Variants in NCAM2 observed in about 807,000 individuals in gnomAD.
NCAM2 encodes the protein neural cell adhesion molecule 2, also known as N-CAM-2.
NCAM2 carries 30 observed loss-of-function variants against 98.1 expected under a neutral mutation model. The observed-to-expected ratio is 0.31, with a 90% CI of 0.23 to 0.41. The LOEUF is 0.41. Ranked by LOEUF, NCAM2 falls within the 10% of genes least tolerant of loss-of-function variation. The pLI, the probability that NCAM2 is intolerant of heterozygous loss-of-function variation, is 1.00. For missense variants in NCAM2, 867 were observed against 1,005.8 expected, an observed-to-expected ratio of 0.86 and a Z score of 1.87; for synonymous variants, 368 against 342.4, an observed-to-expected ratio of 1.07 and a Z score of -0.83.
intron 8 of NCAM2, among the ~76,000 whole-genome samples, chr21:21,345,591 A>T (rs1159532944): frequency 5.3e-5 from 8 of 151,732 alleles, no homozygotes; most frequent in Non-Finnish European, 1.5e-5. Context: ...AAAAAAGAAT[A>T]AAAAAAATGA....
At position 21,538,610 on chromosome 21, in the gene NCAM2, T is replaced by C. The variant is rs1990107493; in HGVS notation, c.*653T>C. The C allele has an allele frequency of 6.6e-6, 1 of 152,364 alleles. No homozygotes were observed. The highest frequency in any genetic ancestry group is 2.4e-5 in the African/African-American group (1 of 41,448). The allele number at this position is 152,364 out of a possible 1,614,324, so 9.4% of individuals were successfully genotyped here. ...AAATTGTTACCCATTTGAAAGAATATTAGTTGTATATAAAATTAGATTAGA... is the reference window on the plus strand; with the variant it reads ...AAATTGTTACCCATTTGAAAGAATACTAGTTGTATATAAAATTAGATTAGA... On this transcript the variant is annotated 3_prime_UTR_variant, in exon 18 of 18. Coordinates refer to ENST00000400546, the MANE Select transcript of NCAM2 (RefSeq NM_004540.5).
chr21:21,046,337 A>G (rs6417719), intron 1 of NCAM2, among the ~76,000 whole-genome samples: 1 of 152,072 alleles, frequency 6.6e-6, no homozygotes, highest in Non-Finnish European at 1.5e-5. Flanking sequence ...TTAATTTTAA[A>G]AGTGGTTCCT....
chr21:21,067,342 A>G (rs1433174114), intron 1 of NCAM2, among the ~76,000 whole-genome samples: 1 of 152,116 alleles, frequency 6.6e-6, no homozygotes, highest in East Asian at 1.9e-4. Flanking sequence ...CACGTTTGTA[A>G]TAAAACATGA....
intron 12 of NCAM2, among the ~76,000 whole-genome samples, chr21:21,452,971 TTATTATA>T (rs1257199258): frequency 1.6e-4 from 5 of 32,106 alleles, no homozygotes; most frequent in Admixed American, 4.7e-4. Context: ...ATATTATATA[TTATTATA>T]TATTATATAT....
intron 9 of NCAM2, among the ~76,000 whole-genome samples, chr21:21,377,536 A>T (rs1272993787): frequency 6.6e-6 from 1 of 151,910 alleles, no homozygotes; most frequent in Non-Finnish European, 1.5e-5. Context: ...TACAAATGTG[A>T]TGCTTTTAAA....
At chr21:21,523,670 A>T (rs966821757) in intron 16 of NCAM2, among the ~76,000 whole-genome samples, 1 of 152,114 alleles carries the variant, frequency 6.6e-6, no homozygotes, top group Non-Finnish European at 1.5e-5. Context: ...CTTATCATAA[A>T]GAACTCTTGC....
rs531731101 is a variant in NCAM2 at position 21,128,737 on chromosome 21, A to G, written c.55+130119A>G. 1.5e-4 allele frequency among the ~76,000 whole-genome samples: 23 copies of G among 152,306 alleles called. No individual in the cohort carries two copies. In the South Asian group the frequency reaches 2.9e-3, roughly 19 times the overall value. On this transcript the variant is annotated intron_variant, in intron 1 of 17. Transcript: ENST00000400546. ...AGAAAAGAAAAATGAGTTGAAAAGC[A>G]TATGTGAAGAGTTAAGAAATTATTT...
intron 1 of NCAM2, among the ~76,000 whole-genome samples, chr21:21,271,023 T>A (rs1177525991): frequency 2.6e-5 from 4 of 152,176 alleles, no homozygotes; most frequent in Admixed American, 1.3e-4. Flanking sequence ...TTTTCAGTAC[T>A]GATTATTTAG....
intron 15 of NCAM2, among the ~76,000 whole-genome samples, chr21:21,508,590 T>TTAA (rs1555909804): frequency 1.4e-5 from 2 of 146,044 alleles, no homozygotes; most frequent in African/African-American, 2.5e-5. Flanking sequence ...TCTTTGTTAA[T>TTAA]AAAAAAAAAA....
At chr21:21,101,984 A>G (rs1056983066) in intron 1 of NCAM2, among the ~76,000 whole-genome samples, 7 of 152,018 alleles carry the variant, frequency 4.6e-5, no homozygotes, top group African/African-American at 1.7e-4. Flanking sequence ...GCTTTGGCCA[A>G]TGAAGTGTAG....
chr21:21,255,057 G>C (rs898344165), intron 1 of NCAM2, among the ~76,000 whole-genome samples: 2 of 151,862 alleles, frequency 1.3e-5, no homozygotes, highest in African/African-American at 4.8e-5. Context: ...TGATATCTTG[G>C]ATAGAATACA....
intron 9 of NCAM2, among the ~76,000 whole-genome samples, chr21:21,401,648 A>G (rs554501170): frequency 6.6e-6 from 1 of 152,154 alleles, no homozygotes; most frequent in African/African-American, 2.4e-5. Context: ...ATTTCCTTCT[A>G]TTTTCATTTT....
intron 1 of NCAM2, among the ~76,000 whole-genome samples, chr21:21,052,685 C>A (rs866065110): frequency 1.3e-5 from 2 of 152,222 alleles, no homozygotes; most frequent in African/African-American, 4.8e-5. Context: ...CTCTGGTGGC[C>A]TGTAATCCTA....
At chr21:21,008,491 G>A (rs1398375080) in intron 1 of NCAM2, among the ~76,000 whole-genome samples, 1 of 152,082 alleles carries the variant, frequency 6.6e-6, no homozygotes, top group Non-Finnish European at 1.5e-5. Flanking sequence ...TAGTATTTCT[G>A]ATTTAGAATA....
intron 10 of NCAM2, among the ~76,000 whole-genome samples, chr21:21,413,474 A>G (rs1306643391): frequency 1.3e-5 from 2 of 152,212 alleles, no homozygotes; most frequent in Non-Finnish European, 2.9e-5. Flanking sequence ...ATCATTAATT[A>G]ATATCAGCAT....
chr21:21,040,244 A>C (rs2064877176), intron 1 of NCAM2, among the ~76,000 whole-genome samples: 1 of 152,162 alleles, frequency 6.6e-6, no homozygotes, highest in African/African-American at 2.4e-5. Context: ...TTATTATTAA[A>C]GACTCATGAA....
chr21:21,441,067 G>A (rs1489549440), intron 12 of NCAM2, among the ~76,000 whole-genome samples: 1 of 152,044 alleles, frequency 6.6e-6, no homozygotes, highest in Non-Finnish European at 1.5e-5. Flanking sequence ...TTTCTCTCTT[G>A]CTCATCATAC....
intron 5 of NCAM2, among the ~76,000 whole-genome samples, chr21:21,322,076 A>C (rs1485864538): frequency 6.6e-6 from 1 of 152,170 alleles, no homozygotes; most frequent in Non-Finnish European, 1.5e-5. Flanking sequence ...TCAACGGTGG[A>C]CTGGATAAAT....
At chr21:21,236,632 A>C (rs2070837375) in intron 1 of NCAM2, among the ~76,000 whole-genome samples, 2 of 152,128 alleles carry the variant, frequency 1.3e-5, no homozygotes, top group South Asian at 2.1e-4. Flanking sequence ...TCCATTCGTA[A>C]ATAAAGTGAG....
Sources: allele counts gnomAD v4.1 joint callset (sites outside exome capture counted in the v4.1 genomes callset), GRCh38; gene constraint gnomAD v4.1.1; transcripts MANE v1.5; gene names NCBI Gene and HGNC (gene_info 2026-07-23, HGNC 2026-07-21).